MFHAS1: variants seen among roughly 807,000 people sequenced by gnomAD.
MFHAS1 encodes multifunctional ROCO family signaling regulator 1, also known as malignant fibrous histiocytoma-amplified sequence 1.
Under a neutral mutation model 70.4 loss-of-function variants are expected in MFHAS1, and 50 were observed. The observed-to-expected ratio is 0.71, with a 90% CI of 0.57 to 0.90. MFHAS1 has a LOEUF of 0.90. Ranked by LOEUF, MFHAS1 falls within the 40% of genes least tolerant of loss-of-function variation. MFHAS1 has a pLI of 0.00. For synonymous variants in MFHAS1, 952 were observed against 620.0 expected, an observed-to-expected ratio of 1.54 and a Z score of -7.96; for missense variants, 1,795 against 1,347.6, an observed-to-expected ratio of 1.33 and a Z score of -5.20.
intron 1 of MFHAS1, among the ~76,000 whole-genome samples, chr8:8,878,876 A>G (rs12679021): frequency 0.83 from 126,792 of 152,154 alleles, 54,724 homozygotes; most frequent in Non-Finnish European, 0.95. Context: ...AATAGTACAA[A>G]AGTACTTCAA....
chr8:8,817,034 C>T (rs1175003742), intron 1 of MFHAS1, among the ~76,000 whole-genome samples: 1 of 152,152 alleles, frequency 6.6e-6, no homozygotes. Context: ...AACACTATCC[C>T]CCTCGAAATG....
Position 8,784,461 on chromosome 8 carries a change from A to G in MFHAS1, c.*1561T>C, listed in dbSNP as rs1805465531. On this transcript the variant is annotated 3_prime_UTR_variant, in exon 3 of 3. Coordinates refer to ENST00000276282, the MANE Select transcript of MFHAS1 (RefSeq NM_004225.3). Reference sequence around the variant, plus strand: ...ATCCCATTCGATTTTTATCATCATAAGAAATCATTCTCTGAACTGCAGGTT... The same window carrying G: ...ATCCCATTCGATTTTTATCATCATAGGAAATCATTCTCTGAACTGCAGGTT... The G allele has an allele frequency of 1.3e-5, 2 of 152,236 alleles. No individual in the cohort carries two copies. Among genetic ancestry groups the G allele is most frequent in the African/African-American group, 4.8e-5 (2 of 41,452 alleles). The allele number at this position is 152,236 out of a possible 1,614,324, so 9.4% of individuals were successfully genotyped here.
intron 1 of MFHAS1, among the ~76,000 whole-genome samples, chr8:8,829,183 G>C (rs563537676): frequency 6.6e-6 from 1 of 151,942 alleles, no homozygotes; most frequent in East Asian, 1.9e-4. Context: ...GCTCTTCTCT[G>C]GGTGCGGAGC....
intron 1 of MFHAS1, among the ~76,000 whole-genome samples, chr8:8,798,578 C>G (rs998152370): frequency 6.3e-4 from 96 of 152,158 alleles, no homozygotes; most frequent in Admixed American, 3.9e-3. Context: ...CTCAAGCAAT[C>G]CTCCCACCTC....
In MFHAS1 at chr8:8,891,627, A is replaced by C. The variant is rs1459582932; in HGVS notation, c.1432T>G (p.Leu478Val). The C allele has an allele frequency of 6.2e-7, 1 of 1,613,492 alleles. No individual in the cohort carries two copies. The highest frequency in any genetic ancestry group is 8.5e-7 in the Non-Finnish European group (1 of 1,180,038). The change falls in exon 1 of 3, where the codon TTA (leucine) becomes GTA (valine). Residue 478 changes from leucine to valine, a missense_variant. By Grantham distance (32) the Leu-to-Val change is conservative. Transcript: ENST00000276282. The surrounding 1 kb of genome is among the most constrained non-coding windows in gnomAD (Gnocchi z 5.4). ...SRGLRFIVYD[L>V]AGDESYEVIQ... ...ACCTCATAACTTTCATCCCCAGCTA[A>C]GTCATACACGATGAACCGCAGGCCC...
At chr8:8,873,140 A>G (rs1809152408) in intron 1 of MFHAS1, among the ~76,000 whole-genome samples, 1 of 152,158 alleles carries the variant, frequency 6.6e-6, no homozygotes, top group African/African-American at 2.4e-5. Context: ...GAAAATTCAC[A>G]TTTCTATTTT....
chr8:8,787,346 C>G (rs1196319508), intron 2 of MFHAS1, among the ~76,000 whole-genome samples: 1 of 152,170 alleles, frequency 6.6e-6, no homozygotes, highest in Non-Finnish European at 1.5e-5. Flanking sequence ...TCCCAAAGTA[C>G]TGGGATTACA....
Position 8,868,085 on chromosome 8 carries a change from C to T in MFHAS1, c.2998+21976G>A, listed in dbSNP as rs956377353. Among the ~76,000 whole-genome samples, 10 of 152,114 alleles carry T rather than the reference C, an allele frequency of 6.6e-5. No homozygotes were observed. The East Asian group carries it at 1.9e-3, about 29-fold the overall frequency. ...TCATTTATTATAATAAGTGGTATAG[C>T]GCACAAACCTGATCCATTTTCTAGA... On this transcript the variant is annotated intron_variant, in intron 1 of 2. Transcript: ENST00000276282.
intron 1 of MFHAS1, among the ~76,000 whole-genome samples, chr8:8,800,214 A>T (rs73517987): frequency 2.6e-5 from 4 of 152,218 alleles, no homozygotes; most frequent in Non-Finnish European, 5.9e-5. Context: ...AAGTGAATGT[A>T]ATTTGAGTTC....
intron 1 of MFHAS1, among the ~76,000 whole-genome samples, chr8:8,825,176 G>T (rs1050948609): frequency 1.3e-5 from 2 of 152,162 alleles, no homozygotes; most frequent in African/African-American, 2.4e-5. Context: ...AAGGGTTGCG[G>T]TTTTTTTGTT....
At chr8:8,859,316 C>G (rs1808573993) in intron 1 of MFHAS1, among the ~76,000 whole-genome samples, 1 of 152,164 alleles carries the variant, frequency 6.6e-6, no homozygotes, top group African/African-American at 2.4e-5. Flanking sequence ...TGCACTCTAG[C>G]CTGGGTGACA....
Position 8,891,975 on chromosome 8 carries a change from CA to C in MFHAS1, c.1083del (p.Phe361LeufsTer17). ...GNQIAVLPDHFGQLSRVGLWK... is the reference protein window; with the variant it reads ...GNQIAVLPDHXGQLSRVGLWK... ...CACAAACCCACCCGGGAGAGCTGGC[CA>C]AAGTGGTCGGGCAGCACCGCGATCT... is the stretch of plus-strand genomic sequence containing the variant. On this transcript the variant is annotated frameshift_variant, in exon 1 of 3. Coordinates refer to ENST00000276282, the MANE Select transcript of MFHAS1 (RefSeq NM_004225.3). LOFTEE classifies it high-confidence loss of function. The surrounding 1 kb of genome is among the most constrained non-coding windows in gnomAD (Gnocchi z 5.4). The C allele has an allele frequency of 6.2e-7, 1 of 1,612,874 alleles. No individual in the cohort carries two copies. Among genetic ancestry groups the C allele is most frequent in the Non-Finnish European group, 8.5e-7 (1 of 1,179,554 alleles).
chr8:8,820,211 C>G (rs1334495040), intron 1 of MFHAS1, among the ~76,000 whole-genome samples: 1 of 151,944 alleles, frequency 6.6e-6, no homozygotes, highest in Non-Finnish European at 1.5e-5. Context: ...CCTTACTCCC[C>G]CTTCCCAAGT....
intron 2 of MFHAS1, among the ~76,000 whole-genome samples, chr8:8,786,741 G>T (rs1805557180): frequency 6.9e-6 from 1 of 145,824 alleles, no homozygotes. Context: ...AATATACAAA[G>T]ACATTGAAAG....
chr8:8,832,098 G>A (rs1397505911), intron 1 of MFHAS1, among the ~76,000 whole-genome samples: 1 of 121,912 alleles, frequency 8.2e-6, no homozygotes, highest in African/African-American at 2.9e-5. Flanking sequence ...ACGCACCAAA[G>A]TAACTTGAAA....
chr8:8,869,379 C>A (rs1478737551), intron 1 of MFHAS1, among the ~76,000 whole-genome samples: 1 of 152,182 alleles, frequency 6.6e-6, no homozygotes. Context: ...GGGCACGCTA[C>A]ATACATAATT....
chr8:8,837,692 T>C (rs1024422247), intron 1 of MFHAS1, among the ~76,000 whole-genome samples: 1 of 150,748 alleles, frequency 6.6e-6, no homozygotes. Context: ...CCACTTATCA[T>C]TAGGAACATG....
At chr8:8,826,264 G>GTA (rs2117313643) in intron 1 of MFHAS1, among the ~76,000 whole-genome samples, 1 of 151,874 alleles carries the variant, frequency 6.6e-6, no homozygotes, top group Non-Finnish European at 1.5e-5. Flanking sequence ...GTGTGTGTGT[G>GTA]TGTGTGTGTG....
intron 1 of MFHAS1, among the ~76,000 whole-genome samples, chr8:8,851,833 C>T (rs1028920365): frequency 1.3e-5 from 2 of 152,124 alleles, no homozygotes; most frequent in South Asian, 2.1e-4. Flanking sequence ...TGATGCCCCC[C>T]GCAAAATAAA....
Sources: gnomAD v4.1 joint callset for allele counts (sites outside exome capture counted in the v4.1 genomes callset) on GRCh38, gnomAD v4.1.1 for gene constraint, Gnocchi (gnomAD v3.1) non-coding constraint, MANE v1.5 for transcripts, NCBI Gene and HGNC (gene_info 2026-07-23, HGNC 2026-07-21) for gene names.